Variants in PRMT9 observed in about 807,000 individuals in gnomAD.
The protein encoded by PRMT9 is protein arginine N-methyltransferase 9.
Under a neutral mutation model 83.2 loss-of-function variants are expected in PRMT9, and 59 were observed. That is an observed-to-expected ratio of 0.71 (90% CI 0.57 to 0.88). The LOEUF (loss-of-function observed/expected upper bound fraction) is 0.88. PRMT9 is among the 40% of genes least tolerant of loss of function. The pLI, the probability that PRMT9 is intolerant of heterozygous loss-of-function variation, is 0.00. For synonymous variants in PRMT9, 333 were observed against 353.2 expected, an observed-to-expected ratio of 0.94 and a Z score of 0.64; for missense variants, 947 against 1,021.9, an observed-to-expected ratio of 0.93 and a Z score of 1.00.
chr4:147,681,863 T>C (rs1736492242), intron 1 of PRMT9, among the ~76,000 whole-genome samples: 1 of 151,504 alleles, frequency 6.6e-6, no homozygotes, highest in African/African-American at 2.4e-5. Context: ...TGGCCGGAGT[T>C]TGGGTATGGG....
At chr4:147,662,232 CA>C (rs1469882470) in intron 6 of PRMT9, among the ~76,000 whole-genome samples, 1 of 152,110 alleles carries the variant, frequency 6.6e-6, no homozygotes, top group African/African-American at 2.4e-5. Context: ...GCTAGGCACG[CA>C]AAAACAAGTC....
At position 147,638,275 on chromosome 4, in the gene PRMT9, T is replaced by A. The variant is rs1733143881; in HGVS notation, c.*257A>T. 4.2e-6 allele frequency: 2 copies of A among 475,390 alleles called. No individual in the cohort carries two copies. Among genetic ancestry groups the A allele is most frequent in the African/African-American group, 3.9e-5 (2 of 51,258 alleles). 29.4% of individuals were successfully genotyped at this position (475,390 alleles called of 1,614,324 possible). Reference sequence around the variant, plus strand: ...ACGATAAGACTTTTAAAATCCCTATTCTGTAAAATCGAGCAAAAGAAGTTT... The same window carrying A: ...ACGATAAGACTTTTAAAATCCCTATACTGTAAAATCGAGCAAAAGAAGTTT... On this transcript the variant is annotated 3_prime_UTR_variant, in exon 12 of 12. Coordinates refer to ENST00000322396, the MANE Select transcript of PRMT9 (RefSeq NM_138364.4).
At position 147,673,867 on chromosome 4, in the gene PRMT9, A is replaced by G. The variant is rs753803905; in HGVS notation, c.346T>C (p.Phe116Leu). Residue 116 changes from phenylalanine (F) to leucine (L), a missense_variant, in exon 3 of 12, where the codon TTT becomes CTT. Transcript: ENST00000322396. ...SMGEHLFRMG[F>L]RDEAAGYFHK... ...AAATACCCAGCTGCTTCATCCCTAA[A>G]GCCCATTCTAGAGTAAAAAATGACA... The G allele has an allele frequency of 6.2e-7, 1 of 1,612,842 alleles. No individual in the cohort carries two copies. Among genetic ancestry groups the G allele is most frequent in the Non-Finnish European group, 8.5e-7 (1 of 1,178,948 alleles).
chr4:147,643,782 C>T (rs1156823935), intron 9 of PRMT9, among the ~76,000 whole-genome samples: 2 of 152,160 alleles, frequency 1.3e-5, no homozygotes, highest in African/African-American at 2.4e-5. Flanking sequence ...ATTGCTTGAG[C>T]CCAGGACTTC....
intron 6 of PRMT9, among the ~76,000 whole-genome samples, chr4:147,663,010 T>G (rs1735071858): frequency 7.4e-6 from 1 of 135,568 alleles, no homozygotes; most frequent in African/African-American, 2.9e-5. Context: ...CTACTAATAA[T>G]TTTTTTTTTT....
At chr4:147,670,229 G>A (rs1735636778) in intron 5 of PRMT9, among the ~76,000 whole-genome samples, 1 of 152,124 alleles carries the variant, frequency 6.6e-6, no homozygotes, top group Non-Finnish European at 1.5e-5. Flanking sequence ...GCCCAGGCTG[G>A]AGTGCAATGG....
chr4:147,656,528 T>C (rs948423119), intron 8 of PRMT9, among the ~76,000 whole-genome samples: 1 of 151,902 alleles, frequency 6.6e-6, no homozygotes, highest in Non-Finnish European at 1.5e-5. Context: ...ATGCCAGCAC[T>C]TTGGGAGGCT....
intron 8 of PRMT9, among the ~76,000 whole-genome samples, chr4:147,655,869 T>C (rs1483513968): frequency 6.6e-6 from 1 of 152,056 alleles, no homozygotes; most frequent in Non-Finnish European, 1.5e-5. Context: ...AAATGTCCTT[T>C]CTCTAAGAAG....
chr4:147,673,365 G>A (rs892847432), intron 3 of PRMT9, among the ~76,000 whole-genome samples: 7 of 151,772 alleles, frequency 4.6e-5, no homozygotes, highest in Non-Finnish European at 8.8e-5. Context: ...ATACTAATGG[G>A]CTTTAACTTA....
intron 4 of PRMT9, 86 bp from the exon 5 acceptor site, chr4:147,670,829 G>A (rs1735679544): frequency 2.3e-6 from 2 of 868,312 alleles, no homozygotes; most frequent in Middle Eastern, 2.2e-4. Flanking sequence ...GAAAGGAAGA[G>A]TATATTATAG....
chr4:147,682,108 C>T (rs985705093), intron 1 of PRMT9, among the ~76,000 whole-genome samples: 1 of 152,138 alleles, frequency 6.6e-6, no homozygotes, highest in Non-Finnish European at 1.5e-5. Flanking sequence ...CGAGTTCAAG[C>T]AATTCTTCTG....
intron 4 of PRMT9, chr4:147,672,179 G>A (rs1735782415): frequency 8.0e-6 from 2 of 248,684 alleles, no homozygotes; most frequent in Non-Finnish European, 1.6e-5. Flanking sequence ...GAGAATAAAT[G>A]TAGAGACGAT....
chr4:147,672,221 T>C (rs916942940), intron 4 of PRMT9, among the ~76,000 whole-genome samples: 8 of 152,224 alleles, frequency 5.3e-5, no homozygotes, highest in African/African-American at 1.9e-4. Context: ...TTAAGATAAA[T>C]ACTATTATAT....
chr4:147,651,906 G>A (rs899668501), intron 9 of PRMT9, among the ~76,000 whole-genome samples: 2 of 152,120 alleles, frequency 1.3e-5, no homozygotes, highest in Non-Finnish European at 2.9e-5. Flanking sequence ...TTTATGTAAC[G>A]AGGTGAATAT....
chr4:147,656,771 C>CAAAAAAAA (rs1023416920), intron 8 of PRMT9, among the ~76,000 whole-genome samples: 26 of 47,852 alleles, frequency 5.4e-4, no homozygotes, highest in African/African-American at 1.1e-3. Context: ...GACTCTGTCT[C>CAAAAAAAA]AAAAAAAAAA....
chr4:147,642,666 C>G, intron 10 of PRMT9, 121 bp downstream of exon 10: 1 of 876,044 alleles, frequency 1.1e-6, no homozygotes, highest in Non-Finnish European at 1.9e-6. Context: ...ATCTAAGTCA[C>G]TGTGATTAAT....
chr4:147,639,825 C>T (rs1012363901), intron 10 of PRMT9, among the ~76,000 whole-genome samples: 5 of 152,110 alleles, frequency 3.3e-5, no homozygotes, highest in Non-Finnish European at 5.9e-5. Context: ...TTCACCTCTC[C>T]CTGGGCATCC....
At chr4:147,640,581 T>A (rs1052655909) in intron 10 of PRMT9, among the ~76,000 whole-genome samples, 1 of 152,112 alleles carries the variant, frequency 6.6e-6, no homozygotes, top group Non-Finnish European at 1.5e-5. Context: ...TCTTACCCAA[T>A]TGCTCAGTGA....
At position 147,670,812 on chromosome 4, in the gene PRMT9, G is replaced by A. The variant is rs184365843; in HGVS notation, c.744-69C>T. The stretch of plus-strand genomic sequence containing the variant: ...GCTATTATATAAAGATGTCAAAGCT[G>A]AGAGGAGAAAGGAAGAGTATATTAT... On this transcript the variant is annotated intron_variant, in intron 4 of 11. Coordinates refer to ENST00000322396, the MANE Select transcript of PRMT9 (RefSeq NM_138364.4). 3.0e-6 allele frequency: 3 copies of A among 1,010,942 alleles called. No individual in the cohort carries two copies. In the East Asian group the frequency reaches 7.4e-5, roughly 25 times the overall value. 62.6% of individuals were successfully genotyped at this position (1,010,942 alleles called of 1,614,324 possible).
Sources: allele counts gnomAD v4.1 joint callset (sites outside exome capture counted in the v4.1 genomes callset), GRCh38; gene constraint gnomAD v4.1.1; transcripts MANE v1.5; gene names NCBI Gene and HGNC (gene_info 2026-07-23, HGNC 2026-07-21).